Variants in GLS observed in about 807,000 individuals in gnomAD.
GLS encodes glutaminase, also known as glutaminase kidney isoform, mitochondrial.
A neutral mutation model predicts 86.7 loss-of-function variants in GLS; 36 were observed. The observed-to-expected ratio is 0.42, with a 90% CI of 0.32 to 0.55. GLS has a LOEUF of 0.55. GLS is among the 20% of genes least tolerant of loss of function. The pLI is 0.17. For missense variants in GLS, 528 were observed against 833.4 expected (o/e 0.63, Z 4.51); for synonymous variants, 317 against 305.9 (o/e 1.04, Z -0.38).
intron 14 of GLS, chr2:190,933,501 C>T (rs1480915929): frequency 2.2e-6 from 2 of 902,966 alleles, no homozygotes; most frequent in South Asian, 5.1e-5. Flanking sequence ...TATTTTGCAA[C>T]TCCTCTGTTC....
rs11306120 is a variant in GLS at position 190,941,538 on chromosome 2, T to TA, written c.1650+9908dup. 3.0e-5 allele frequency among the ~76,000 whole-genome samples: 4 copies of TA among 134,608 alleles called. No individual in the cohort carries two copies. The South Asian group carries it at 9.6e-4, about 32-fold the overall frequency. The allele number at this position is 134,608 out of a possible 152,430, so 88.3% of individuals were successfully genotyped here. ...AAATATAATGATAATGATAGAAAAGTAAAAAAATGCTAGGAGAGGGTACAA... is the reference window on the plus strand; with the variant it reads ...AAATATAATGATAATGATAGAAAAGTAAAAAAAATGCTAGGAGAGGGTACAA... On this transcript the variant is annotated intron_variant, in intron 14 of 17. Transcript: ENST00000320717.
intron 1 of GLS, among the ~76,000 whole-genome samples, chr2:190,888,565 C>G (rs1301451939): frequency 6.6e-6 from 1 of 152,202 alleles, no homozygotes; most frequent in Admixed American, 6.5e-5. Flanking sequence ...CTAGTCACTA[C>G]TACAACTTCT....
chr2:190,899,742 G>A (rs1374863777), intron 3 of GLS, among the ~76,000 whole-genome samples: 4 of 151,998 alleles, frequency 2.6e-5, no homozygotes, highest in Admixed American at 1.3e-4. Context: ...TAAAGGCTAC[G>A]TTAATATACT....
intron 7 of GLS, among the ~76,000 whole-genome samples, chr2:190,912,171 T>C (rs1689383169): frequency 6.6e-6 from 1 of 152,104 alleles, no homozygotes; most frequent in African/African-American, 2.4e-5. Context: ...TGGTTCAGTG[T>C]TCAACAGTGC....
chr2:190,951,268 G>C lies in GLS; in HGVS notation c.1651-2297G>C, dbSNP rs189057328. 1.3e-4 allele frequency among the ~76,000 whole-genome samples: 20 copies of C among 152,160 alleles called. No homozygotes were observed. Among genetic ancestry groups the C allele is most frequent in the African/African-American group, 4.8e-4 (20 of 41,522 alleles). ...GTGCTGGGGGGATCTGAAGGAATCA[G>C]GGCTTAGGAAGCTGCTGGAGCTTTG... On this transcript the variant is annotated intron_variant, in intron 14 of 17. Coordinates refer to ENST00000320717, the MANE Select transcript of GLS (RefSeq NM_014905.5). This position sits in a 1 kb window ranked among gnomAD's most constrained non-coding sequence, Gnocchi z 4.2.
At chr2:190,928,462 G>A (rs1689975161) in intron 12 of GLS, among the ~76,000 whole-genome samples, 1 of 151,188 alleles carries the variant, frequency 6.6e-6, no homozygotes, top group Admixed American at 6.6e-5. Flanking sequence ...AGCCTCCCGA[G>A]TAGCTGGGAT....
At chr2:190,925,266 G>A (rs1215998382) in intron 11 of GLS, among the ~76,000 whole-genome samples, 1 of 152,076 alleles carries the variant, frequency 6.6e-6, no homozygotes, top group African/African-American at 2.4e-5. Flanking sequence ...GCATTTAAAA[G>A]TGTCAGTGTC....
Position 190,920,398 on chromosome 2 carries a change from A to G in GLS, c.1039-626A>G, listed in dbSNP as rs1363082412. 6.6e-6 allele frequency: 1 copy of G among 151,932 alleles called. No individual in the cohort carries two copies. Among genetic ancestry groups the G allele is most frequent in the African/African-American group, 2.4e-5 (1 of 41,448 alleles). 9.4% of individuals were successfully genotyped at this position (151,932 alleles called of 1,614,324 possible). ...TTGGCATAATGCTAAATACAACAGA[A>G]GCTAATTTTTTAGAGACTGTGAAAT... On this transcript the variant is annotated intron_variant, in intron 7 of 17. Transcript: ENST00000320717. This position sits in a 1 kb window ranked among gnomAD's most constrained non-coding sequence, Gnocchi z 4.2.
chr2:190,920,991 A>G lies in GLS; in HGVS notation c.1039-33A>G, dbSNP rs899279989. 1 of 1,234,302 alleles carries G rather than the reference A, an allele frequency of 8.1e-7. No homozygotes were observed. The highest frequency in any genetic ancestry group is 1.2e-6 in the Non-Finnish European group (1 of 837,180). The allele number at this position is 1,234,302 out of a possible 1,614,324, so 76.5% of individuals were successfully genotyped here. On this transcript the variant is annotated intron_variant, in intron 7 of 17. Transcript: ENST00000320717. The surrounding 1 kb of genome is among the most constrained non-coding windows in gnomAD (Gnocchi z 4.2). ...GAAACTTAACTGTAGTGGTACCTAT[A>G]TTAACGTATTTATGTCTCTTATTTT...
intron 14 of GLS, among the ~76,000 whole-genome samples, chr2:190,941,939 T>C (rs1382210520): frequency 1.3e-5 from 2 of 152,122 alleles, no homozygotes; most frequent in Non-Finnish European, 2.9e-5. Context: ...AAATGTTTAA[T>C]GTGCACCCCA....
At chr2:190,892,170 A>AT (rs1688586204) in intron 1 of GLS, among the ~76,000 whole-genome samples, 1 of 152,130 alleles carries the variant, frequency 6.6e-6, no homozygotes, top group Non-Finnish European at 1.5e-5. Context: ...TTAAGAAATT[A>AT]TTTTTTAAGA....
intron 13 of GLS, 55 bp from the exon 14 acceptor site, chr2:190,931,490 T>C (rs1157951208): frequency 8.0e-6 from 6 of 745,794 alleles, no homozygotes; most frequent in Non-Finnish European, 1.4e-5. Flanking sequence ...AATATGGATA[T>C]ATATAACCAA....
At chr2:190,881,582 A>T in intron 1 of GLS, 112 bp downstream of exon 1, 1 of 1,039,064 alleles carries the variant, frequency 9.6e-7, no homozygotes. Context: ...GAAAAGAGAA[A>T]GAAAGAGGTG....
rs1259502053 is a variant in GLS at position 190,938,871 on chromosome 2, TAA to T, written c.1650+7236_1650+7237del. ...AATTAGTAAAGTTAGAAGTAAATGTTAAAGTTACACAGTAGTTCTAAAAATAA... is the reference window on the plus strand; with the variant it reads ...AATTAGTAAAGTTAGAAGTAAATGTTAGTTACACAGTAGTTCTAAAAATAA... On this transcript the variant is annotated intron_variant, in intron 14 of 17. Transcript: ENST00000320717. The surrounding 1 kb of genome is among the most constrained non-coding windows in gnomAD (Gnocchi z 4.1). Among the ~76,000 whole-genome samples, 3 of 151,776 alleles carry T rather than the reference TAA, an allele frequency of 2.0e-5. No homozygotes were observed. The highest frequency in any genetic ancestry group is 6.6e-5 in the Admixed American group (1 of 15,228).
intron 17 of GLS, among the ~76,000 whole-genome samples, chr2:190,960,032 C>A (rs1226816513): frequency 6.6e-6 from 1 of 152,116 alleles, no homozygotes; most frequent in African/African-American, 2.4e-5. Context: ...CTCCTCTCCT[C>A]TCTCTCCTGG....
chr2:190,932,676 A>C, intron 14 of GLS: 1 of 1,476,604 alleles, frequency 6.8e-7, no homozygotes, highest in Non-Finnish European at 9.0e-7. Flanking sequence ...TTCTTCACTC[A>C]AGTGCACTAA....
chr2:190,953,581 A>G lies in GLS; in HGVS notation c.1667A>G (p.Asn556Ser). The change falls in exon 15 of 18, where the codon AAT (asparagine) becomes AGT (serine). Residue 556 changes from asparagine (N) to serine (S), a missense_variant. This residue lies in a region of GLS where 163 missense variants were observed against 429.2 expected (regional missense o/e 0.38). Transcript: ENST00000320717. The surrounding 1 kb of genome is among the most constrained non-coding windows in gnomAD (Gnocchi z 4.0). ...GGDQRVKSVINLLFAAYTGDV... is the reference protein window; with the variant it reads ...GGDQRVKSVISLLFAAYTGDV... ...TCTTCACAGGTAAAGTCAGTGATAA[A>G]TCTTTTGTTTGCTGCATATACTGGA... is the stretch of plus-strand genomic sequence containing the variant. The G allele has an allele frequency of 6.2e-7, 1 of 1,611,214 alleles. No homozygotes were observed. Among genetic ancestry groups the G allele is most frequent in the East Asian group, 2.2e-5 (1 of 44,858 alleles).
chr2:190,917,234 C>G lies in GLS; in HGVS notation c.1039-3790C>G, dbSNP rs972352897. On this transcript the variant is annotated intron_variant, in intron 7 of 17. Transcript: ENST00000320717. ...AACTCCTTTGTTGTATTTCAATGAT[C>G]TTCAGAGCATCTTTACCAGAAGTAG... is the stretch of plus-strand genomic sequence containing the variant. Among the ~76,000 whole-genome samples, 7 of 152,198 alleles carry G rather than the reference C, an allele frequency of 4.6e-5. No homozygotes were observed. The East Asian group carries it at 1.3e-3, about 29-fold the overall frequency.
In GLS at chr2:190,920,487, G is replaced by T. The variant is rs1008511244; in HGVS notation, c.1039-537G>T. Among the ~76,000 whole-genome samples the T allele has an allele frequency of 6.6e-6, 1 of 151,766 alleles. No individual in the cohort carries two copies. The highest frequency in any genetic ancestry group is 2.4e-5 in the African/African-American group (1 of 41,390). Reference sequence around the variant, plus strand: ...AGCTATTAAGAATAGAGCTTTCTCTGCAGTAGTAAAATGCAACCAGAATGT... The same window carrying T: ...AGCTATTAAGAATAGAGCTTTCTCTTCAGTAGTAAAATGCAACCAGAATGT... On this transcript the variant is annotated intron_variant, in intron 7 of 17. Transcript: ENST00000320717. This position sits in a 1 kb window ranked among gnomAD's most constrained non-coding sequence, Gnocchi z 4.2.
Sources: allele counts gnomAD v4.1 joint callset (sites outside exome capture counted in the v4.1 genomes callset), GRCh38; gene constraint gnomAD v4.1.1; regional missense constraint gnomAD v4.1.1; non-coding constraint Gnocchi (gnomAD v3.1); transcripts MANE v1.5; gene names NCBI Gene and HGNC (gene_info 2026-07-23, HGNC 2026-07-21).